Variants in DAB2IP observed in about 807,000 individuals in gnomAD.
The protein encoded by DAB2IP is DAB2 interacting protein.
DAB2IP carries 28 observed loss-of-function variants against 107.2 expected under a neutral mutation model. The ratio of observed to expected loss-of-function variants is 0.26; its 90% confidence interval spans 0.19 to 0.36. The LOEUF (loss-of-function observed/expected upper bound fraction) is 0.36. Ranked by LOEUF, DAB2IP falls within the 10% of genes least tolerant of loss-of-function variation. DAB2IP has a pLI of 1.00. For missense variants in DAB2IP, 1,400 were observed against 1,644.7 expected (o/e 0.85, Z 2.57); for synonymous variants, 755 against 706.4 (o/e 1.07, Z -1.09).
In DAB2IP at chr9:121,641,736, G is replaced by T. The variant is rs78952508; in HGVS notation, c.41-36942G>T. ...CATGTGTCACACCAGGCCTCAAGAG[G>T]TAGGTCACTTGTTCCTGGTCCCACA... On this transcript the variant is annotated intron_variant, in intron 1 of 16. Coordinates refer to the DAB2IP transcript ENST00000259371. 1.3e-4 allele frequency among the ~76,000 whole-genome samples: 20 copies of T among 152,142 alleles called. No homozygotes were observed. The East Asian group carries it at 3.9e-3, about 30-fold the overall frequency.
upstream of DAB2IP, among the ~76,000 whole-genome samples, chr9:121,650,962 T>C (rs1306166550): frequency 6.6e-6 from 1 of 152,086 alleles, no homozygotes; most frequent in Non-Finnish European, 1.5e-5. Flanking sequence ...GGAAAGCTCT[T>C]GAGCTGAGGA....
chr9:121,627,285 G>C (rs1054698009), intron 1 of DAB2IP, among the ~76,000 whole-genome samples: 4 of 151,980 alleles, frequency 2.6e-5, no homozygotes, highest in African/African-American at 9.7e-5. Context: ...TCGCGCTGCA[G>C]AACGGTCACA....
At chr9:121,579,783 AATGAATG>A (rs1830149542) in intron 1 of DAB2IP, among the ~76,000 whole-genome samples, 1 of 152,194 alleles carries the variant, frequency 6.6e-6, no homozygotes, top group Non-Finnish European at 1.5e-5. Context: ...TTGAATGAAT[AATGAATG>A]AACGAATGAC....
In DAB2IP at chr9:121,651,864, G is replaced by A; in HGVS notation, c.89G>A (p.Arg30Lys). 3 of 1,454,682 alleles carry A rather than the reference G, an allele frequency of 2.1e-6. No individual in the cohort carries two copies. Among genetic ancestry groups the A allele is most frequent in the South Asian group, 1.4e-5 (1 of 73,990 alleles). 90.1% of individuals were successfully genotyped at this position (1,454,682 alleles called of 1,614,324 possible). The change falls in exon 1 of 16, where the codon AGG (arginine) becomes AAG (lysine). Residue 30 changes from arginine (R) to lysine (K), a missense_variant. By Grantham distance (26) the Arg-to-Lys change is conservative. Coordinates refer to ENST00000408936, the Ensembl canonical transcript of DAB2IP. This position sits in a 1 kb window ranked among gnomAD's most constrained non-coding sequence, Gnocchi z 5.1. ...AGGCGGCCCCGGCTGCAGCGACAGA[G>A]GAGCCGCTCCCGCAGCCGGACCCGG...
At chr9:121,596,970 A>C (rs73544278) in intron 1 of DAB2IP, among the ~76,000 whole-genome samples, 2,168 of 152,194 alleles carry the variant, frequency 0.014, 52 homozygotes, top group African/African-American at 0.049. Flanking sequence ...TATTTCTCTG[A>C]TTACTAGTGA....
exon 16 of DAB2IP, chr9:121,783,468 TA>T (rs1564240036): frequency 1.9e-6 from 3 of 1,613,562 alleles, no homozygotes; most frequent in East Asian, 4.5e-5. Context: ...AGTGATGGTT[TA>T]AAAAAAGATT....
chr9:121,760,557 C>T lies in DAB2IP; in HGVS notation c.1170+118C>T. On this transcript the variant is annotated intron_variant, in intron 6 of 15. Transcript: ENST00000408936. The surrounding 1 kb of genome is among the most constrained non-coding windows in gnomAD (Gnocchi z 5.9). ...AGGCCTTGGAGGCACCGGTCACTAC[C>T]AGAAGGGCTCCCTAAACCCAAAAGT... 7.8e-7 allele frequency: 1 copy of T among 1,283,792 alleles called. No individual in the cohort carries two copies. The highest frequency in any genetic ancestry group is 1.0e-6 in the Non-Finnish European group (1 of 961,698). 79.5% of individuals were successfully genotyped at this position (1,283,792 alleles called of 1,614,324 possible). A position where few individuals can be genotyped will look rare whatever the true frequency, so the allele number is the denominator to read the frequency against.
chr9:121,668,905 T>C (rs1193750367), intron 1 of DAB2IP, among the ~76,000 whole-genome samples: 1 of 139,448 alleles, frequency 7.2e-6, no homozygotes, highest in African/African-American at 2.6e-5. Context: ...TAGTAAGCCT[T>C]ACTTTTTTTT....
chr9:121,577,139 A>T (rs541466964), intron 1 of DAB2IP, among the ~76,000 whole-genome samples: 1 of 152,214 alleles, frequency 6.6e-6, no homozygotes, highest in South Asian at 2.1e-4. Flanking sequence ...CGCATCGCCC[A>T]GCACAGGGAC....
At chr9:121,723,999 C>G (rs1027098009) in intron 3 of DAB2IP, among the ~76,000 whole-genome samples, 1 of 152,032 alleles carries the variant, frequency 6.6e-6, no homozygotes, top group Non-Finnish European at 1.5e-5. Flanking sequence ...GAGCCTGGGC[C>G]CATGTTGGGG....
At chr9:121,650,539 T>G (rs76846210), upstream of DAB2IP, among the ~76,000 whole-genome samples, 2 of 152,296 alleles carry the variant, frequency 1.3e-5, no homozygotes, top group Non-Finnish European at 2.9e-5. Flanking sequence ...AGTCTGAATG[T>G]TGAGAGCCCC....
rs1271884723 is a variant in DAB2IP, at chr9:121,572,006, C to A, written c.40+4778C>A. On this transcript the variant is annotated intron_variant, in intron 1 of 16. Transcript: ENST00000259371. ...GACGGCCAGACAAGATGTGACTGTCCCCTCTGGTGCCAGCCCCTTGGAGCT... is the reference window on the plus strand; with the variant it reads ...GACGGCCAGACAAGATGTGACTGTCACCTCTGGTGCCAGCCCCTTGGAGCT... 2.0e-5 allele frequency among the ~76,000 whole-genome samples: 3 copies of A among 152,076 alleles called. No homozygotes were observed. The South Asian group carries it at 6.2e-4, about 32-fold the overall frequency.
At chr9:121,666,816 G>T (rs189446285) in intron 1 of DAB2IP, among the ~76,000 whole-genome samples, 12 of 148,802 alleles carry the variant, frequency 8.1e-5, no homozygotes, top group Admixed American at 6.1e-4. Flanking sequence ...ATTTATCAAT[G>T]CATTATTTTA....
chr9:121,729,632 A>T (rs1831413119), intron 3 of DAB2IP, among the ~76,000 whole-genome samples: 1 of 152,208 alleles, frequency 6.6e-6, no homozygotes, highest in Non-Finnish European at 1.5e-5. Context: ...ACTCTAGCAC[A>T]CCATTAATTG....
At chr9:121,587,087 C>T (rs1249779395) in intron 1 of DAB2IP, among the ~76,000 whole-genome samples, 7 of 152,050 alleles carry the variant, frequency 4.6e-5, no homozygotes, top group African/African-American at 9.7e-5. Context: ...AGTAACCTGA[C>T]GAAAAAGACA....
At chr9:121,676,635 G>GCGCACACACACACA (rs759946988) in intron 1 of DAB2IP, among the ~76,000 whole-genome samples, 17 of 150,544 alleles carry the variant, frequency 1.1e-4, no homozygotes, top group African/African-American at 3.7e-4. Context: ...TTCTGCAGAC[G>GCGCACACACACACA]CACACACACA....
chr9:121,683,322 T>C (rs1464153652), intron 2 of DAB2IP, among the ~76,000 whole-genome samples: 1 of 152,162 alleles, frequency 6.6e-6, no homozygotes, highest in Non-Finnish European at 1.5e-5. Flanking sequence ...CTCCTTAGCC[T>C]GCTCCCTTCC....
intron 1 of DAB2IP, among the ~76,000 whole-genome samples, chr9:121,604,354 G>A (rs1304705567): frequency 6.6e-6 from 1 of 152,174 alleles, no homozygotes; most frequent in Non-Finnish European, 1.5e-5. Flanking sequence ...CCCATCCCAG[G>A]TGGGCCTCCA....
At chr9:121,691,478 G>A (rs993508928) in intron 2 of DAB2IP, among the ~76,000 whole-genome samples, 2 of 148,748 alleles carry the variant, frequency 1.3e-5, no homozygotes, top group Admixed American at 6.7e-5. Context: ...CCGAGATCGC[G>A]CCACTGCACT....
Sources: gnomAD v4.1 joint callset for allele counts (sites outside exome capture counted in the v4.1 genomes callset) on GRCh38, gnomAD v4.1.1 for gene constraint, Gnocchi (gnomAD v3.1) non-coding constraint, MANE v1.5 for transcripts, NCBI Gene and HGNC (gene_info 2026-07-23, HGNC 2026-07-21) for gene names.